The following GNG12 variants were observed in gnomAD, a reference collection of about 807,000 sequenced individuals.
The protein encoded by GNG12 is guanine nucleotide-binding protein G(I)/G(S)/G(O) subunit gamma-12.
For missense variants in GNG12, 69 were observed against 83.8 expected (o/e 0.82, Z 0.69); for synonymous variants, 28 against 29.7 (o/e 0.94, Z 0.19).
At chr1:67,801,093 T>G (rs1265564096) in intron 1 of GNG12, among the ~76,000 whole-genome samples, 1 of 152,028 alleles carries the variant, frequency 6.6e-6, no homozygotes, top group Admixed American at 6.6e-5. Context: ...CAGGAAACTT[T>G]CCTAGAGCAG....
intron 2 of GNG12, among the ~76,000 whole-genome samples, chr1:67,714,555 T>C (rs188372583): frequency 1.3e-5 from 2 of 152,374 alleles, no homozygotes; most frequent in Admixed American, 1.3e-4. Context: ...GTTTAGTATC[T>C]GCATCCTCTT....
chr1:67,789,242 G>C (rs967229442), intron 1 of GNG12, among the ~76,000 whole-genome samples: 3 of 152,168 alleles, frequency 2.0e-5, no homozygotes, highest in African/African-American at 7.2e-5. Flanking sequence ...ACGTCATCCA[G>C]GCTAATGCTC....
intron 1 of GNG12, among the ~76,000 whole-genome samples, chr1:67,819,152 G>A (rs913106615): frequency 3.3e-5 from 5 of 152,194 alleles, no homozygotes; most frequent in Non-Finnish European, 7.4e-5. Flanking sequence ...TTTAGGAGGT[G>A]GACCCAGGCT....
rs115791827 is a variant in GNG12 at position 67,779,958 on chromosome 1, G to C, written c.-76-2451C>G. On this transcript the variant is annotated intron_variant, in intron 1 of 3. Coordinates refer to ENST00000370982, the MANE Select transcript of GNG12 (RefSeq NM_018841.6). Reference sequence around the variant, plus strand: ...AATGCTATTTGTGTATCTAAACATAGAAAAGGTATAGTAAAAACATGGTAT... The same window carrying C: ...AATGCTATTTGTGTATCTAAACATACAAAAGGTATAGTAAAAACATGGTAT... Among the ~76,000 whole-genome samples the C allele has an allele frequency of 1.2e-3, 176 of 152,190 alleles. 1 individual carries two copies. Among genetic ancestry groups the C allele is most frequent in the African/African-American group, 3.9e-3 (164 of 41,532 alleles).
intron 3 of GNG12, among the ~76,000 whole-genome samples, chr1:67,706,386 C>T (rs1342857847): frequency 2.6e-5 from 4 of 152,106 alleles, no homozygotes; most frequent in East Asian, 1.9e-4. Flanking sequence ...ATTGGGCTTG[C>T]GGAAGTAAAA....
chr1:67,790,260 A>C (rs956567001), intron 1 of GNG12, among the ~76,000 whole-genome samples: 10 of 151,918 alleles, frequency 6.6e-5, no homozygotes, highest in African/African-American at 1.7e-4. Context: ...ATTAGTTTGC[A>C]CCCCCGCCTC....
At chr1:67,706,831 G>A (rs919261457) in intron 3 of GNG12, among the ~76,000 whole-genome samples, 1 of 151,908 alleles carries the variant, frequency 6.6e-6, no homozygotes. Flanking sequence ...GGCTAATTTT[G>A]TATTTTTAGT....
intron 1 of GNG12, among the ~76,000 whole-genome samples, chr1:67,818,926 C>T (rs192080667): frequency 5.3e-5 from 8 of 152,220 alleles, no homozygotes; most frequent in Admixed American, 4.6e-4. Context: ...AGGCCTTGAA[C>T]CTGGGCAGTG....
intron 2 of GNG12, among the ~76,000 whole-genome samples, chr1:67,712,717 G>A (rs750887510): frequency 2.8e-4 from 43 of 151,708 alleles, no homozygotes; most frequent in Admixed American, 1.2e-3. Context: ...AACCCAGTTC[G>A]TAAGCCTTTT....
intron 2 of GNG12, among the ~76,000 whole-genome samples, chr1:67,754,182 A>G (rs1203573900): frequency 6.6e-6 from 1 of 152,064 alleles, no homozygotes; most frequent in African/African-American, 2.4e-5. Flanking sequence ...CTGGAGGGCA[A>G]GCTCTTGGCC....
intron 1 of GNG12, among the ~76,000 whole-genome samples, chr1:67,819,002 G>A (rs1299293576): frequency 2.0e-5 from 3 of 152,164 alleles, no homozygotes; most frequent in Non-Finnish European, 1.5e-5. Context: ...TTGTCTATGA[G>A]TTCAGGAAGT....
At chr1:67,738,511 C>T (rs1251296366) in intron 2 of GNG12, among the ~76,000 whole-genome samples, 1 of 152,156 alleles carries the variant, frequency 6.6e-6, no homozygotes, top group Non-Finnish European at 1.5e-5. Context: ...CAGCTTCAAC[C>T]TCCCCCTGGA....
In GNG12 at chr1:67,766,100, ACACACG is replaced by A. The variant is rs1287046729; in HGVS notation, c.-27+11352_-27+11357del. 6.9e-4 allele frequency among the ~76,000 whole-genome samples: 92 copies of A among 133,604 alleles called. 1 individual carries two copies. The highest frequency in any genetic ancestry group is 2.7e-3 in the African/African-American group (82 of 30,834). The allele number at this position is 133,604 out of a possible 152,430, so 87.6% of individuals were successfully genotyped here. On this transcript the variant is annotated intron_variant, in intron 2 of 3. Coordinates refer to ENST00000370982, the MANE Select transcript of GNG12 (RefSeq NM_018841.6). ...GGCAAAAACTCAAACAAAACAAGGC[ACACACG>A]CACACACACACACACACACACACAC...
intron 1 of GNG12, among the ~76,000 whole-genome samples, chr1:67,779,273 C>T (rs988769880): frequency 1.3e-5 from 2 of 152,164 alleles, no homozygotes; most frequent in African/African-American, 4.8e-5. Flanking sequence ...CAAAATCAGA[C>T]CCCCACATGT....
rs560257008 is a variant in GNG12, at chr1:67,736,168, A to T, written c.-26-28456T>A. ...TCACTTGCAGGAACTGTGGGAGAAG[A>T]ACTAGGAGTCTGTTCATTAGGAACC... is the stretch of plus-strand genomic sequence containing the variant. On this transcript the variant is annotated intron_variant, in intron 2 of 3. Coordinates refer to ENST00000370982, the MANE Select transcript of GNG12 (RefSeq NM_018841.6). 9.5e-4 allele frequency among the ~76,000 whole-genome samples: 145 copies of T among 152,106 alleles called. 1 individual carries two copies. Among genetic ancestry groups the T allele is most frequent in the Admixed American group, 1.7e-3 (26 of 15,272 alleles).
At chr1:67,709,855 TATA>T (rs1646271658) in intron 2 of GNG12, among the ~76,000 whole-genome samples, 7 of 122,806 alleles carry the variant, frequency 5.7e-5, no homozygotes, top group African/African-American at 2.3e-4. Flanking sequence ...TATATATTTA[TATA>T]TATATAGTTA....
chr1:67,825,004 G>T (rs1298471241), intron 1 of GNG12, among the ~76,000 whole-genome samples: 1 of 152,174 alleles, frequency 6.6e-6, no homozygotes, highest in Non-Finnish European at 1.5e-5. Context: ...CCTGCCAGGA[G>T]CATTGATTTG....
intron 3 of GNG12, among the ~76,000 whole-genome samples, 163 bp from the exon 4 acceptor site, chr1:67,705,739 T>C (rs942944514): frequency 1.3e-5 from 2 of 152,104 alleles, no homozygotes; most frequent in Non-Finnish European, 1.5e-5. Flanking sequence ...AAAAAGGAAA[T>C]GGTACCTTTA....
chr1:67,785,837 C>A (rs1361126169), intron 1 of GNG12, among the ~76,000 whole-genome samples: 1 of 152,102 alleles, frequency 6.6e-6, no homozygotes, highest in African/African-American at 2.4e-5. Context: ...TGTTTCCAAC[C>A]ATGTACAAAT....
Sources: allele counts gnomAD v4.1 joint callset (sites outside exome capture counted in the v4.1 genomes callset), GRCh38; gene constraint gnomAD v4.1.1; transcripts MANE v1.5; gene names NCBI Gene and HGNC (gene_info 2026-07-23, HGNC 2026-07-21).